CCDC171: variants seen among roughly 807,000 people sequenced by gnomAD.
CCDC171 encodes coiled-coil domain-containing protein 171.
In CCDC171, 177 loss-of-function variants were observed where a neutral mutation model predicts 168.2. The observed-to-expected ratio is 1.05, with a 90% CI of 0.93 to 1.19. The LOEUF is 1.19. Ranked by LOEUF, CCDC171 falls within the 50% of genes most tolerant of loss-of-function variation. The pLI is 0.00. For missense variants in CCDC171, 1,991 were observed against 1,539.0 expected, an observed-to-expected ratio of 1.29 and a Z score of -4.91; for synonymous variants, 687 against 540.8, an observed-to-expected ratio of 1.27 and a Z score of -3.75.
the CCDC171 span, among the ~76,000 whole-genome samples, chr9:16,107,901 C>T: frequency 1.3e-5 from 2 of 152,084 alleles, no homozygotes; most frequent in Non-Finnish European, 2.9e-5. Flanking sequence ...TATAATGTAG[C>T]ATATGCCATG....
At position 15,797,833 on chromosome 9, in the gene CCDC171, G is replaced by T. The variant is rs116427865; in HGVS notation, c.3267+13139G>T. ...TTTTTATACATGGTGTGGTGTAAGG[G>T]TTGAAGTTTATTTTCTTTCCAAATA... On this transcript the variant is annotated intron_variant, in intron 21 of 25. Transcript: ENST00000380701. Among the ~76,000 whole-genome samples the T allele has an allele frequency of 5.2e-3, 789 of 152,190 alleles. 6 individuals are homozygous for T. Among genetic ancestry groups the T allele is most frequent in the African/African-American group, 0.019 (772 of 41,532 alleles).
chr9:15,642,343 G>GTGTGTATATATA (rs1369419679), intron 7 of CCDC171, among the ~76,000 whole-genome samples: 4 of 107,554 alleles, frequency 3.7e-5, no homozygotes, highest in African/African-American at 2.0e-4. Context: ...GTGTGTGTGT[G>GTGTGTATATATA]TATATATATA....
At chr9:15,732,163 G>T (rs1007196844) in intron 16 of CCDC171, among the ~76,000 whole-genome samples, 1 of 151,806 alleles carries the variant, frequency 6.6e-6, no homozygotes, top group Non-Finnish European at 1.5e-5. Flanking sequence ...TGTTTCTTTT[G>T]ATGATCATAA....
intron 24 of CCDC171, among the ~76,000 whole-genome samples, chr9:15,906,116 C>G (rs1822560861): frequency 6.6e-6 from 1 of 152,208 alleles, no homozygotes. Context: ...TGTTACCATT[C>G]CTTCTGAAAC....
chr9:15,787,385 C>A (rs966682071), intron 21 of CCDC171, among the ~76,000 whole-genome samples: 1 of 152,142 alleles, frequency 6.6e-6, no homozygotes, highest in African/African-American at 2.4e-5. Context: ...CCACTCACAG[C>A]TTCTGGTAAT....
intron 7 of CCDC171, 54 bp downstream of exon 7, chr9:15,623,467 G>T (rs553233779): frequency 1.7e-6 from 1 of 587,398 alleles, no homozygotes. Flanking sequence ...TCACATATGC[G>T]CGCGCGCGCA....
At chr9:15,943,297 C>T (rs1438132734) in intron 25 of CCDC171, among the ~76,000 whole-genome samples, 1 of 151,880 alleles carries the variant, frequency 6.6e-6, no homozygotes, top group East Asian at 1.9e-4. Context: ...TTCTTTAGAT[C>T]TGTGCCAGAA....
chr9:15,971,740 A>T lies in CCDC171; in HGVS notation c.3885A>T (p.Thr1295=). The part of the protein sequence containing the change: ...LDTTYTFLKE[T]FINTVPHALT... The stretch of plus-strand genomic sequence containing the variant: ...CTACTTACACTTTCTTAAAGGAGAC[A>T]TTTATAAATACTGTGCCCCATGCTC... Residue 1295 remains threonine (T), a synonymous_variant, in exon 26 of 26, where the codon ACA becomes ACT. Transcript: ENST00000380701. The T allele has an allele frequency of 6.2e-7, 1 of 1,613,962 alleles. No homozygotes were observed. The highest frequency in any genetic ancestry group is 2.2e-5 in the East Asian group (1 of 44,866).
chr9:15,873,948 T>C (rs1238984644), intron 23 of CCDC171, among the ~76,000 whole-genome samples: 1 of 152,170 alleles, frequency 6.6e-6, no homozygotes, highest in East Asian at 1.9e-4. Context: ...ATGTATTTAA[T>C]CATTAAGACT....
intron 21 of CCDC171, among the ~76,000 whole-genome samples, chr9:15,799,160 ATATATAC>A (rs1368479135): frequency 7.3e-6 from 1 of 136,404 alleles, no homozygotes; most frequent in Non-Finnish European, 1.6e-5. Flanking sequence ...ATATATATAT[ATATATAC>A]CATTTTGATG....
At chr9:16,104,290 C>T in the CCDC171 span, among the ~76,000 whole-genome samples, 9 of 151,984 alleles carry the variant, frequency 5.9e-5, no homozygotes, top group Non-Finnish European at 1.2e-4. Context: ...CCCCTCCCCA[C>T]GGCTCATCTC....
At chr9:16,106,608 G>T in the CCDC171 span, among the ~76,000 whole-genome samples, 4 of 152,136 alleles carry the variant, frequency 2.6e-5, no homozygotes, top group Non-Finnish European at 5.9e-5. Flanking sequence ...CCAGAACAAA[G>T]GTTGTTTTCC....
intron 1 of CCDC171, among the ~76,000 whole-genome samples, chr9:16,048,777 C>A (rs113486015): frequency 6.6e-6 from 1 of 151,966 alleles, no homozygotes; most frequent in Non-Finnish European, 1.5e-5. Context: ...ATAGTAGCAT[C>A]CACCTTAAAG....
chr9:15,926,861 C>CT (rs1825950865), intron 25 of CCDC171, among the ~76,000 whole-genome samples: 1 of 151,544 alleles, frequency 6.6e-6, no homozygotes, highest in African/African-American at 2.4e-5. Context: ...ATGAGGAAAT[C>CT]TTTTTATTTG....
downstream of CCDC171, among the ~76,000 whole-genome samples, chr9:16,064,394 G>A (rs537569038): frequency 1.6e-4 from 24 of 152,200 alleles, no homozygotes; most frequent in African/African-American, 5.5e-4. Context: ...GGTGCAGATA[G>A]AGGTGTGGGG....
At position 15,874,560 on chromosome 9, in the gene CCDC171, C is replaced by G; in HGVS notation, c.3497C>G (p.Ser1166Cys). 1.2e-6 allele frequency: 2 copies of G among 1,607,106 alleles called. No individual in the cohort carries two copies. The highest frequency in any genetic ancestry group is 1.7e-6 in the Non-Finnish European group (2 of 1,176,954). Residue 1166 changes from serine to cysteine, a missense_variant, in exon 24 of 26, where the codon TCT (serine) becomes TGT (cysteine). Transcript: ENST00000380701. ...KVRDQISLSW[S>C]AASRNDFTLQ... is the part of the protein sequence containing the mutation. The stretch of plus-strand genomic sequence containing the variant: ...AGAGATCAGATCTCGCTGTCATGGT[C>G]TGCGGCAAGTAGGAATGACTTCACC...
At chr9:15,713,524 G>T (rs754072423) in intron 11 of CCDC171, among the ~76,000 whole-genome samples, 15 of 152,074 alleles carry the variant, frequency 9.9e-5, no homozygotes, top group African/African-American at 3.4e-4. Context: ...TTATGGATTG[G>T]TGGATCACAC....
chr9:15,934,904 C>G (rs538405346), intron 25 of CCDC171, among the ~76,000 whole-genome samples: 2 of 152,006 alleles, frequency 1.3e-5, no homozygotes, highest in Non-Finnish European at 2.9e-5. Context: ...AAGCCAGACA[C>G]AAAAGGCCAC....
At chr9:15,948,021 T>C (rs1475340864) in intron 25 of CCDC171, among the ~76,000 whole-genome samples, 2 of 147,050 alleles carry the variant, frequency 1.4e-5, no homozygotes, top group Non-Finnish European at 3.0e-5. Context: ...TTCCCCTTCC[T>C]GTGTCCATGT....
Sources: allele counts gnomAD v4.1 joint callset (sites outside exome capture counted in the v4.1 genomes callset), GRCh38; gene constraint gnomAD v4.1.1; transcripts MANE v1.5; gene names NCBI Gene and HGNC (gene_info 2026-07-23, HGNC 2026-07-21).